The following GALNT13 variants were observed in gnomAD, a reference collection of about 807,000 sequenced individuals.
GALNT13 encodes polypeptide N-acetylgalactosaminyltransferase 13.
In GALNT13, 28 loss-of-function variants were observed where a neutral mutation model predicts 64.2. That is an observed-to-expected ratio of 0.44 (90% CI 0.32 to 0.60). The LOEUF is 0.60. GALNT13 is among the 20% of genes least tolerant of loss of function. GALNT13 has a pLI of 0.05. For missense variants in GALNT13, 577 were observed against 669.8 expected (o/e 0.86, Z 1.53); for synonymous variants, 214 against 224.6 (o/e 0.95, Z 0.42).
the GALNT13 span, among the ~76,000 whole-genome samples, chr2:153,468,825 G>A: frequency 1.3e-5 from 2 of 152,098 alleles, no homozygotes; most frequent in Admixed American, 6.6e-5. Flanking sequence ...AGCACACGGT[G>A]TACTGGGTCG....
chr2:153,318,947 T>G, the GALNT13 span, among the ~76,000 whole-genome samples: 1 of 152,162 alleles, frequency 6.6e-6, no homozygotes, highest in Non-Finnish European at 1.5e-5. Flanking sequence ...TTTAGACATT[T>G]TATCAAATTT....
the GALNT13 span, among the ~76,000 whole-genome samples, chr2:153,732,149 A>G: frequency 6.6e-6 from 1 of 152,050 alleles, no homozygotes; most frequent in Non-Finnish European, 1.5e-5. Flanking sequence ...ATTAGGTTAT[A>G]TGTAAATTTA....
chr2:154,294,863 T>C (rs1447349389), intron 8 of GALNT13, among the ~76,000 whole-genome samples: 4 of 152,232 alleles, frequency 2.6e-5, no homozygotes, highest in Non-Finnish European at 2.9e-5. Flanking sequence ...TAGAGTCTTA[T>C]GATCTTCTTT....
the GALNT13 span, among the ~76,000 whole-genome samples, chr2:153,743,065 G>A: frequency 3.0e-5 from 3 of 99,158 alleles, no homozygotes; most frequent in Non-Finnish European, 6.2e-5. Flanking sequence ...GGAAAGGAGA[G>A]GGAGGATAAA....
At chr2:153,324,345 G>C in the GALNT13 span, among the ~76,000 whole-genome samples, 11 of 152,152 alleles carry the variant, frequency 7.2e-5, no homozygotes, top group Non-Finnish European at 1.6e-4. Context: ...CACTGATTTT[G>C]TATCCTGAGA....
chr2:153,326,908 A>T, the GALNT13 span, among the ~76,000 whole-genome samples: 1 of 151,894 alleles, frequency 6.6e-6, no homozygotes, highest in East Asian at 1.9e-4. Flanking sequence ...ACATGGTGAA[A>T]CCCTGTCTCT....
the GALNT13 span, among the ~76,000 whole-genome samples, chr2:153,369,599 A>G: frequency 6.6e-6 from 1 of 152,178 alleles, no homozygotes; most frequent in Non-Finnish European, 1.5e-5. Flanking sequence ...TCTGACTGTT[A>G]GCTGGAATTC....
At chr2:153,737,281 G>T in the GALNT13 span, among the ~76,000 whole-genome samples, 5 of 151,982 alleles carry the variant, frequency 3.3e-5, no homozygotes, top group East Asian at 3.9e-4. Context: ...ATTTTTTAAT[G>T]GTTCGATTTT....
chr2:154,208,624 C>CTGTGTG (rs57789546), intron 4 of GALNT13, among the ~76,000 whole-genome samples: 83 of 140,454 alleles, frequency 5.9e-4, no homozygotes, highest in South Asian at 1.7e-3. Context: ...TTTTGCGTGT[C>CTGTGTG]TGTGTGTGTG....
At chr2:153,999,496 C>T (rs975447179) in intron 3 of GALNT13, among the ~76,000 whole-genome samples, 1 of 151,830 alleles carries the variant, frequency 6.6e-6, no homozygotes, top group Non-Finnish European at 1.5e-5. Context: ...ATTTCTATGC[C>T]TAATTCATTG....
chr2:153,870,250 A>C (rs1366456280), upstream of GALNT13, among the ~76,000 whole-genome samples: 1 of 152,192 alleles, frequency 6.6e-6, no homozygotes, highest in Non-Finnish European at 1.5e-5. Flanking sequence ...CAATTACCCA[A>C]ATAAATTTTA....
the GALNT13 span, among the ~76,000 whole-genome samples, chr2:153,810,857 T>C: frequency 7.4e-4 from 113 of 152,334 alleles, no homozygotes; most frequent in African/African-American, 2.6e-3. Context: ...AGTTTTCAAA[T>C]TGTAGAGTGT....
chr2:153,167,363 C>G, the GALNT13 span, among the ~76,000 whole-genome samples: 3 of 152,204 alleles, frequency 2.0e-5, no homozygotes, highest in Admixed American at 6.5e-5. Context: ...GCATATTTTT[C>G]TTTTCCCCTC....
intron 3 of GALNT13, among the ~76,000 whole-genome samples, chr2:154,007,933 G>A (rs538837322): frequency 6.7e-6 from 1 of 149,184 alleles, no homozygotes; most frequent in Non-Finnish European, 1.5e-5. Context: ...TCAACGCAAA[G>A]ATAGAACCCT....
At chr2:153,158,227 A>T in the GALNT13 span, among the ~76,000 whole-genome samples, 5 of 152,304 alleles carry the variant, frequency 3.3e-5, no homozygotes, top group Admixed American at 2.6e-4. Context: ...TGATTTTATA[A>T]GAACAAGACT....
chr2:153,519,953 G>A, the GALNT13 span, among the ~76,000 whole-genome samples: 296 of 152,174 alleles, frequency 1.9e-3, 2 homozygotes, highest in African/African-American at 6.3e-3. Context: ...GAAGATCTTC[G>A]TTTTCTTAGA....
At chr2:153,104,906 T>G in the GALNT13 span, among the ~76,000 whole-genome samples, 1 of 152,064 alleles carries the variant, frequency 6.6e-6, no homozygotes, top group East Asian at 1.9e-4. Flanking sequence ...ATTATTATAC[T>G]TTAAGTTTTA....
At chr2:153,863,381 T>C in the GALNT13 span, among the ~76,000 whole-genome samples, 3 of 152,156 alleles carry the variant, frequency 2.0e-5, no homozygotes, top group Non-Finnish European at 4.4e-5. Flanking sequence ...TGTAAAATTA[T>C]TGTCTTAGGA....
chr2:153,173,233 G>A, the GALNT13 span: 1 of 152,290 alleles, frequency 6.6e-6, no homozygotes. Flanking sequence ...GGTGTGTTGG[G>A]TGCTTTAGCT....
Sources: allele counts gnomAD v4.1 joint callset (sites outside exome capture counted in the v4.1 genomes callset), GRCh38; gene constraint gnomAD v4.1.1; transcripts MANE v1.5; gene names NCBI Gene and HGNC (gene_info 2026-07-23, HGNC 2026-07-21).